Variants in HS3ST4 observed in about 807,000 individuals in gnomAD.
HS3ST4 encodes the protein heparan sulfate-glucosamine 3-sulfotransferase 4, also known as heparan sulfate glucosamine 3-O-sulfotransferase 4.
A neutral mutation model predicts 29.2 loss-of-function variants in HS3ST4; 17 were observed. The observed-to-expected ratio is 0.58, with a 90% CI of 0.40 to 0.87. The LOEUF (loss-of-function observed/expected upper bound fraction) is 0.87. Ranked by LOEUF, HS3ST4 falls within the 40% of genes least tolerant of loss-of-function variation. HS3ST4 has a pLI of 0.00. For missense variants in HS3ST4, 627 were observed against 634.5 expected, an observed-to-expected ratio of 0.99 and a Z score of 0.13; for synonymous variants, 314 against 285.7, an observed-to-expected ratio of 1.10 and a Z score of -1.00.
intron 1 of HS3ST4, among the ~76,000 whole-genome samples, chr16:25,710,535 CTCGTTCCTTAT>C (rs1966408063): frequency 6.6e-6 from 1 of 152,100 alleles, no homozygotes; most frequent in Non-Finnish European, 1.5e-5. Context: ...TGGAGTCTGG[CTCGTTCCTTAT>C]TTCCCCCAAG....
chr16:25,907,760 T>C (rs992712616), intron 1 of HS3ST4, among the ~76,000 whole-genome samples: 3 of 152,184 alleles, frequency 2.0e-5, no homozygotes, highest in Non-Finnish European at 4.4e-5. Context: ...ATTTTTAATA[T>C]TGATCTCTCC....
At chr16:25,984,160 C>G (rs1969037951) in intron 1 of HS3ST4, among the ~76,000 whole-genome samples, 1 of 152,136 alleles carries the variant, frequency 6.6e-6, no homozygotes, top group Admixed American at 6.5e-5. Flanking sequence ...CTATAGAACA[C>G]TAGAACTTAT....
chr16:26,081,580 G>C (rs1005578426), intron 1 of HS3ST4, among the ~76,000 whole-genome samples: 2 of 152,122 alleles, frequency 1.3e-5, no homozygotes, highest in Non-Finnish European at 2.9e-5. Context: ...AAGATTCACT[G>C]TGGGGCATAA....
intron 1 of HS3ST4, among the ~76,000 whole-genome samples, chr16:25,772,070 C>T (rs1379232485): frequency 6.6e-6 from 1 of 152,210 alleles, no homozygotes; most frequent in Non-Finnish European, 1.5e-5. Flanking sequence ...CTCAACTCTG[C>T]CCTTGTAGCA....
rs145106073 is a variant in HS3ST4, at chr16:25,697,829, C to G, written c.734+4678C>G. On this transcript the variant is annotated intron_variant, in intron 1 of 1. Coordinates refer to ENST00000331351, the MANE Select transcript of HS3ST4 (RefSeq NM_006040.3). Reference sequence around the variant, plus strand: ...CTGGGACTACAGGTGCGCACCACCACGTCCAGCAAATTTTTGTATCTTTAG... The same window carrying G: ...CTGGGACTACAGGTGCGCACCACCAGGTCCAGCAAATTTTTGTATCTTTAG... Among the ~76,000 whole-genome samples the G allele has an allele frequency of 2.8e-3, 423 of 152,232 alleles. 2 individuals are homozygous for G. Among genetic ancestry groups the G allele is most frequent in the African/African-American group, 8.9e-3 (369 of 41,526 alleles).
intron 1 of HS3ST4, among the ~76,000 whole-genome samples, chr16:25,698,741 G>A (rs978297636): frequency 1.3e-5 from 2 of 152,170 alleles, no homozygotes; most frequent in African/African-American, 4.8e-5. Context: ...TGTCCAAAGA[G>A]GCTGTTATTT....
At chr16:25,916,720 C>G (rs935253243) in intron 1 of HS3ST4, among the ~76,000 whole-genome samples, 2 of 148,222 alleles carry the variant, frequency 1.3e-5, no homozygotes, top group African/African-American at 5.0e-5. Flanking sequence ...CGCGCTGTCC[C>G]CCAGGCTGGA....
intron 1 of HS3ST4, among the ~76,000 whole-genome samples, chr16:25,908,887 A>G (rs2141677102): frequency 6.6e-6 from 1 of 152,364 alleles, no homozygotes; most frequent in Admixed American, 6.5e-5. Flanking sequence ...CTCTTTTGAA[A>G]GTTTTAAGGG....
chr16:25,708,442 A>G (rs1042300062), intron 1 of HS3ST4, among the ~76,000 whole-genome samples: 3 of 152,150 alleles, frequency 2.0e-5, no homozygotes, highest in African/African-American at 4.8e-5. Flanking sequence ...CAATTTCTTC[A>G]TTTGTGTTCA....
chr16:25,805,383 C>A (rs1343783022), intron 1 of HS3ST4, among the ~76,000 whole-genome samples: 1 of 152,182 alleles, frequency 6.6e-6, no homozygotes, highest in East Asian at 1.9e-4. Flanking sequence ...GGCATCTTAT[C>A]TGAATTACTG....
Position 25,986,988 on chromosome 16 carries a change from C to T in HS3ST4, c.735-148624C>T, listed in dbSNP as rs539479895. On this transcript the variant is annotated intron_variant, in intron 1 of 1. Coordinates refer to ENST00000331351, the MANE Select transcript of HS3ST4 (RefSeq NM_006040.3). ...TAATCGGTCTGGTTAAAATGTCTGC[C>T]GGCTGGCAGGGCATGGACTTCACAT... Among the ~76,000 whole-genome samples, 14 of 152,328 alleles carry T rather than the reference C, an allele frequency of 9.2e-5. No homozygotes were observed. In the South Asian group the frequency reaches 1.0e-3, roughly 11 times the overall value.
rs1336255462 is a variant in HS3ST4 at position 26,016,376 on chromosome 16, G to A, written c.735-119236G>A. ...GTTATTTTAGAAGCTACGTGAACAG[G>A]GCATTGAGTAACACTGAATCACGTA... is the stretch of plus-strand genomic sequence containing the variant. On this transcript the variant is annotated intron_variant, in intron 1 of 1. Coordinates refer to ENST00000331351, the MANE Select transcript of HS3ST4 (RefSeq NM_006040.3). Among the ~76,000 whole-genome samples the A allele has an allele frequency of 2.6e-5, 4 of 152,106 alleles. No individual in the cohort carries two copies. The East Asian group carries it at 7.7e-4, about 29-fold the overall frequency.
At chr16:25,754,960 G>GGTACCC (rs1966747491) in intron 1 of HS3ST4, among the ~76,000 whole-genome samples, 1 of 150,584 alleles carries the variant, frequency 6.6e-6, no homozygotes, top group Non-Finnish European at 1.5e-5. Context: ...TACCCATCCA[G>GGTACCC]GTACCCATTC....
At chr16:25,978,870 C>T (rs1968971820) in intron 1 of HS3ST4, among the ~76,000 whole-genome samples, 1 of 151,886 alleles carries the variant, frequency 6.6e-6, no homozygotes, top group South Asian at 2.1e-4. Context: ...ACATAACTAG[C>T]CACGGGGACA....
chr16:26,044,108 G>A (rs1156503631), intron 1 of HS3ST4, among the ~76,000 whole-genome samples: 1 of 152,216 alleles, frequency 6.6e-6, no homozygotes, highest in Non-Finnish European at 1.5e-5. Flanking sequence ...TCTGGTCTCA[G>A]AATTTTCTGC....
chr16:25,755,120 C>T lies in HS3ST4; in HGVS notation c.734+61969C>T, dbSNP rs190588803. Among the ~76,000 whole-genome samples the T allele has an allele frequency of 5.9e-5, 9 of 151,430 alleles. 1 individual carries two copies. The South Asian group carries it at 1.5e-3, about 25-fold the overall frequency. On this transcript the variant is annotated intron_variant, in intron 1 of 1. Coordinates refer to ENST00000331351, the MANE Select transcript of HS3ST4 (RefSeq NM_006040.3). ...TCTGTCCATCCATTCATCCTTCCAC[C>T]CCTCCACCCCTCCACCCACACATCC...
chr16:25,736,601 C>G (rs541713813), intron 1 of HS3ST4, among the ~76,000 whole-genome samples: 8 of 152,280 alleles, frequency 5.3e-5, no homozygotes, highest in Non-Finnish European at 4.4e-5. Flanking sequence ...GAAAGAACAT[C>G]CTTATACTAA....
In HS3ST4 at chr16:25,776,807, A is replaced by G. The variant is rs150734383; in HGVS notation, c.734+83656A>G. 6.6e-5 allele frequency among the ~76,000 whole-genome samples: 10 copies of G among 152,278 alleles called. No homozygotes were observed. In the East Asian group the frequency reaches 7.7e-4, roughly 12 times the overall value. On this transcript the variant is annotated intron_variant, in intron 1 of 1. Coordinates refer to ENST00000331351, the MANE Select transcript of HS3ST4 (RefSeq NM_006040.3). ...CATCTTTTCTCTCCTGGCCTCGACA[A>G]TGTTTAAACTCTAAAATCTCTTTCT...
intron 1 of HS3ST4, among the ~76,000 whole-genome samples, chr16:25,973,491 G>A (rs534144257): frequency 1.3e-5 from 2 of 152,314 alleles, no homozygotes; most frequent in African/African-American, 4.8e-5. Context: ...CCTTCTCCAA[G>A]ATGTGCCCAT....
Sources: gnomAD v4.1 joint callset for allele counts (sites outside exome capture counted in the v4.1 genomes callset) on GRCh38, gnomAD v4.1.1 for gene constraint, MANE v1.5 for transcripts, NCBI Gene and HGNC (gene_info 2026-07-23, HGNC 2026-07-21) for gene names.